The following ABHD16A variants were observed in gnomAD, a reference collection of about 807,000 sequenced individuals.
ABHD16A encodes abhydrolase domain containing 16A, phospholipase.
ABHD16A carries 47 observed loss-of-function variants against 89.8 expected under a neutral mutation model. That is an observed-to-expected ratio of 0.52 (90% confidence interval 0.41 to 0.67). The LOEUF is 0.67. Ranked by LOEUF, ABHD16A falls within the 30% of genes least tolerant of loss-of-function variation. ABHD16A has a pLI of 0.00. For synonymous variants in ABHD16A, 251 were observed against 280.4 expected, an observed-to-expected ratio of 0.90 and a Z score of 1.05; for missense variants, 580 against 734.6, an observed-to-expected ratio of 0.79 and a Z score of 2.43.
At position 31,698,974 on chromosome 6, in the gene ABHD16A, A is replaced by G. The variant is rs1353109835; in HGVS notation, c.344-1941T>C. Among the ~76,000 whole-genome samples the G allele has an allele frequency of 1.3e-5, 2 of 152,212 alleles. No individual in the cohort carries two copies. The highest frequency in any genetic ancestry group is 2.9e-5 in the Non-Finnish European group (2 of 68,036). On this transcript the variant is annotated intron_variant, in intron 4 of 19. Transcript: ENST00000395952. This position sits in a 1 kb window ranked among gnomAD's most constrained non-coding sequence, Gnocchi z 4.1. Reference sequence around the variant, plus strand: ...TACAACATATGTACATAAAACATATATTCAGTTTAAAAAATACAAAGCAAA... The same window carrying G: ...TACAACATATGTACATAAAACATATGTTCAGTTTAAAAAATACAAAGCAAA...
Position 31,688,901 on chromosome 6 carries a change from C to G in ABHD16A, c.1186+114G>C. On this transcript the variant is annotated intron_variant, in intron 13 of 19. Transcript: ENST00000395952. The surrounding 1 kb of genome is among the most constrained non-coding windows in gnomAD (Gnocchi z 4.9). ...GCCCCCAGACAAAGGAGTCCTCCTG[C>G]TTCCAACAATGGGGCGACTTACTCC... The G allele has an allele frequency of 7.0e-7, 1 of 1,420,864 alleles. No homozygotes were observed. Among genetic ancestry groups the G allele is most frequent in the African/African-American group, 1.4e-5 (1 of 69,950 alleles). The allele number at this position is 1,420,864 out of a possible 1,614,324, so 88.0% of individuals were successfully genotyped here.
At chr6:31,691,962 T>G (rs1193215343) in intron 7 of ABHD16A, 44 bp from the exon 8 acceptor site, 1 of 1,488,064 alleles carries the variant, frequency 6.7e-7, no homozygotes, top group Non-Finnish European at 9.1e-7. Flanking sequence ...TGTTGAGGCC[T>G]GGGGACTGTG....
rs1375203208 is a variant in ABHD16A at position 31,687,590 on chromosome 6, A to C, written c.1547-46T>G. The stretch of plus-strand genomic sequence containing the variant: ...AAATAGGCCACACATCTGGGTATTC[A>C]TCCCCTTCCTAGGCCCTTCCCACCC... On this transcript the variant is annotated intron_variant, in intron 18 of 19. Transcript: ENST00000395952. The surrounding 1 kb of genome is among the most constrained non-coding windows in gnomAD (Gnocchi z 6.3). 11 of 1,612,886 alleles carry C rather than the reference A, an allele frequency of 6.8e-6. No homozygotes were observed. The highest frequency in any genetic ancestry group is 9.3e-6 in the Non-Finnish European group (11 of 1,179,982).
At chr6:31,694,687 G>A (rs994156994) in intron 5 of ABHD16A, among the ~76,000 whole-genome samples, 1 of 152,006 alleles carries the variant, frequency 6.6e-6, no homozygotes, top group Non-Finnish European at 1.5e-5. Flanking sequence ...CACCGCGCCC[G>A]GCCTAGCTGT....
Position 31,693,088 on chromosome 6 carries a change from G to A in ABHD16A, c.565C>T (p.His189Tyr). Residue 189 changes from histidine to tyrosine, a missense_variant, in exon 7 of 20, where the codon CAC becomes TAC. Physicochemically the swap from His to Tyr is moderately conservative, Grantham distance 83. Transcript: ENST00000395952. This position sits in a 1 kb window ranked among gnomAD's most constrained non-coding sequence, Gnocchi z 5.0. ...AGGAGGGTGTCTGCTGTCCCCCGGT[G>A]CAGGGGCTCTGGGCGAAGCAGGGCC... ...GVALLRPEPL[H>Y]RGTADTLLNR... The A allele has an allele frequency of 1.9e-6, 3 of 1,614,212 alleles. No individual in the cohort carries two copies. The highest frequency in any genetic ancestry group is 2.5e-6 in the Non-Finnish European group (3 of 1,180,036).
intron 2 of ABHD16A, 64 bp downstream of exon 2, chr6:31,702,010 G>A: frequency 6.3e-7 from 1 of 1,592,302 alleles, no homozygotes; most frequent in South Asian, 1.1e-5. Context: ...GTTAGGGAGG[G>A]CTAAGTTCAA....
chr6:31,687,589 C>T lies in ABHD16A; in HGVS notation c.1547-45G>A. 6.2e-7 allele frequency: 1 copy of T among 1,613,036 alleles called. No individual in the cohort carries two copies. The highest frequency in any genetic ancestry group is 1.7e-5 in the Admixed American group (1 of 60,018). On this transcript the variant is annotated intron_variant, in intron 18 of 19. Transcript: ENST00000395952. This position sits in a 1 kb window ranked among gnomAD's most constrained non-coding sequence, Gnocchi z 6.3. ...AAAATAGGCCACACATCTGGGTATT[C>T]ATCCCCTTCCTAGGCCCTTCCCACC...
intron 1 of ABHD16A, 76 bp from the exon 2 acceptor site, chr6:31,702,206 G>T: frequency 1.4e-6 from 2 of 1,416,578 alleles, no homozygotes; most frequent in Non-Finnish European, 2.0e-6. Flanking sequence ...AAGCCCTGCT[G>T]TGTGTCCTCT....
At chr6:31,697,119 G>C in intron 4 of ABHD16A, 86 bp from the exon 5 acceptor site, 1 of 1,222,432 alleles carries the variant, frequency 8.2e-7, no homozygotes, top group Non-Finnish European at 1.2e-6. Context: ...AGATGGGCTA[G>C]AAGAAGGCCC....
Position 31,688,916 on chromosome 6 carries a change from C to A in ABHD16A, c.1186+99G>T. On this transcript the variant is annotated intron_variant, in intron 13 of 19. Transcript: ENST00000395952. The surrounding 1 kb of genome is among the most constrained non-coding windows in gnomAD (Gnocchi z 4.9). Reference sequence around the variant, plus strand: ...AGTCCTCCTGCTTCCAACAATGGGGCGACTTACTCCCCACCCAAGAAAAGG... The same window carrying A: ...AGTCCTCCTGCTTCCAACAATGGGGAGACTTACTCCCCACCCAAGAAAAGG... 7.2e-7 allele frequency: 1 copy of A among 1,395,122 alleles called. No homozygotes were observed. The highest frequency in any genetic ancestry group is 1.3e-5 in the South Asian group (1 of 79,512). The allele number at this position is 1,395,122 out of a possible 1,614,324, so 86.4% of individuals were successfully genotyped here.
rs1254398217 is a variant in ABHD16A, at chr6:31,698,545, A to G, written c.344-1512T>C. 4.0e-5 allele frequency among the ~76,000 whole-genome samples: 6 copies of G among 151,498 alleles called. No individual in the cohort carries two copies. The highest frequency in any genetic ancestry group is 7.4e-5 in the Non-Finnish European group (5 of 67,948). ...TTGTTGCCCAGGCGGGAGTGCAATG[A>G]TGTGCTCTCGGCTCACTGCAACCTC... On this transcript the variant is annotated intron_variant, in intron 4 of 19. Coordinates refer to ENST00000395952, the MANE Select transcript of ABHD16A (RefSeq NM_021160.3). This position sits in a 1 kb window ranked among gnomAD's most constrained non-coding sequence, Gnocchi z 4.1.
chr6:31,690,150 A>G lies in ABHD16A; in HGVS notation c.908-23T>C. 1 of 1,571,448 alleles carries G rather than the reference A, an allele frequency of 6.4e-7. No individual in the cohort carries two copies. On this transcript the variant is annotated intron_variant, in intron 10 of 19. Coordinates refer to ENST00000395952, the MANE Select transcript of ABHD16A (RefSeq NM_021160.3). This position sits in a 1 kb window ranked among gnomAD's most constrained non-coding sequence, Gnocchi z 4.1. Reference sequence around the variant, plus strand: ...CAGCTGTAACACAGGGGGAGGAGGGACTGAGACCTTGTGGCCCACAGCCCT... The same window carrying G: ...CAGCTGTAACACAGGGGGAGGAGGGGCTGAGACCTTGTGGCCCACAGCCCT...
At position 31,690,561 on chromosome 6, in the gene ABHD16A, GCC is replaced by G; in HGVS notation, c.883_884del (p.Gly295LeufsTer32). ...TACCTTCCAGGGGCGTGGAGACGCA[GCC>G]CACCTCATAAAACCCAGCATTCCCC... Reference protein sequence around the residue: ...CEGNAGFYEVGCVSTPLEAGY... With the variant: ...CEGNAGFYEVXCVSTPLEAGY... On this transcript the variant is annotated frameshift_variant, in exon 10 of 20. Coordinates refer to ENST00000395952, the MANE Select transcript of ABHD16A (RefSeq NM_021160.3). LOFTEE classifies it high-confidence loss of function. This position sits in a 1 kb window ranked among gnomAD's most constrained non-coding sequence, Gnocchi z 4.1. 6.2e-7 allele frequency: 1 copy of G among 1,613,022 alleles called. No homozygotes were observed. The highest frequency in any genetic ancestry group is 8.5e-7 in the Non-Finnish European group (1 of 1,180,002).
intron 5 of ABHD16A, among the ~76,000 whole-genome samples, chr6:31,696,191 C>CGTG (rs1804376084): frequency 6.6e-6 from 1 of 150,458 alleles, no homozygotes; most frequent in Non-Finnish European, 1.5e-5. Flanking sequence ...ATTAACTGGG[C>CGTG]GTGGTGGTGT....
chr6:31,694,021 G>A (rs1001348710), intron 5 of ABHD16A, among the ~76,000 whole-genome samples: 4 of 150,614 alleles, frequency 2.7e-5, no homozygotes, highest in Non-Finnish European at 5.9e-5. Context: ...CAGCCCATCC[G>A]AACCTCGGGC....
chr6:31,689,621 C>T lies in ABHD16A; in HGVS notation c.1041G>A (p.Gln347=). Residue 347 remains glutamine (Q), a synonymous_variant, in exon 12 of 20, where the codon CAG becomes CAA. Transcript: ENST00000395952. ...TGGACCAGGCGTAGATGATGATGTC[C>T]TGGGGCTGGAAGCCTAGGCGGTGGA... ...FAIHRLGFQP[Q]DIIIYAWSIG... 9.9e-6 allele frequency: 16 copies of T among 1,611,170 alleles called. No individual in the cohort carries two copies. Among genetic ancestry groups the T allele is most frequent in the Non-Finnish European group, 1.4e-5 (16 of 1,179,136 alleles).
Position 31,687,742 on chromosome 6 carries a change from T to C in ABHD16A, c.1448-2A>G. On this transcript the variant is annotated splice_acceptor_variant, in intron 17 of 19. Transcript: ENST00000395952. LOFTEE classifies it high-confidence loss of function. This position sits in a 1 kb window ranked among gnomAD's most constrained non-coding sequence, Gnocchi z 6.3. ...CCTCCCATCGGCTATAAATTGAGGC[T>C]GGTCAGGGAGAGAGATGACAGCCAG... is the stretch of plus-strand genomic sequence containing the variant. 3 of 1,612,846 alleles carry C rather than the reference T, an allele frequency of 1.9e-6. No individual in the cohort carries two copies. The highest frequency in any genetic ancestry group is 2.5e-6 in the Non-Finnish European group (3 of 1,179,906).
At position 31,688,004 on chromosome 6, in the gene ABHD16A, T is replaced by A; in HGVS notation, c.1370+37A>T. 1.2e-6 allele frequency: 2 copies of A among 1,611,692 alleles called. No homozygotes were observed. The highest frequency in any genetic ancestry group is 1.7e-6 in the Non-Finnish European group (2 of 1,178,966). The stretch of plus-strand genomic sequence containing the variant: ...GTGCTGGTATCAGTATCTGTGTGTG[T>A]ACACTGCCCCCAGCGCGCACACACC... On this transcript the variant is annotated intron_variant, in intron 16 of 19. Coordinates refer to ENST00000395952, the MANE Select transcript of ABHD16A (RefSeq NM_021160.3). This position sits in a 1 kb window ranked among gnomAD's most constrained non-coding sequence, Gnocchi z 4.9.
intron 8 of ABHD16A, 51 bp downstream of exon 8, chr6:31,691,753 T>TGGGGGTGGGGGGGGGGGGGGGGGGGGGG: frequency 2.8e-6 from 1 of 357,838 alleles, no homozygotes; most frequent in East Asian, 1.2e-4. Flanking sequence ...GCGGGGTGGG[T>TGGGGGTGGGGGGGGGGGGGGGGGGGGGG]GGGGGTGAGA....
Sources: allele counts gnomAD v4.1 joint callset (sites outside exome capture counted in the v4.1 genomes callset), GRCh38; gene constraint gnomAD v4.1.1; non-coding constraint Gnocchi (gnomAD v3.1); transcripts MANE v1.5; gene names NCBI Gene and HGNC (gene_info 2026-07-23, HGNC 2026-07-21).